The following SLC24A2 variants were observed in gnomAD, a reference collection of about 807,000 sequenced individuals.
SLC24A2 encodes solute carrier family 24 member 2, also known as sodium/potassium/calcium exchanger 2.
Under a neutral mutation model 62.0 loss-of-function variants are expected in SLC24A2, and 36 were observed. That is an observed-to-expected ratio of 0.58 (90% CI 0.44 to 0.77). The LOEUF is 0.77. Ranked by LOEUF, SLC24A2 falls within the 30% of genes least tolerant of loss-of-function variation. The pLI is 0.00. For missense variants in SLC24A2, 846 were observed against 817.9 expected (o/e 1.03, Z -0.42); for synonymous variants, 358 against 294.0 (o/e 1.22, Z -2.23).
At chr9:19,900,845 T>C in the SLC24A2 span, among the ~76,000 whole-genome samples, 1 of 152,168 alleles carries the variant, frequency 6.6e-6, no homozygotes, top group South Asian at 2.1e-4. Context: ...ATGCTCTTCA[T>C]CAATGGAAGA....
chr9:20,148,085 C>T, the SLC24A2 span, among the ~76,000 whole-genome samples: 599 of 152,078 alleles, frequency 3.9e-3, 2 homozygotes, highest in Admixed American at 8.7e-3. Context: ...CCTAGCTTTT[C>T]CTGGGTGACC....
the SLC24A2 span, among the ~76,000 whole-genome samples, chr9:20,039,327 C>T: frequency 2.7e-4 from 41 of 152,028 alleles, no homozygotes; most frequent in South Asian, 6.2e-3. Context: ...CAGATGAAGA[C>T]GACCTGGAAG....
intron 2 of SLC24A2, among the ~76,000 whole-genome samples, chr9:19,750,167 GA>G (rs1821942409): frequency 6.6e-6 from 1 of 152,134 alleles, no homozygotes; most frequent in Non-Finnish European, 1.5e-5. Flanking sequence ...CTGACTGGAA[GA>G]TAATGTTTTA....
intron 10 of SLC24A2, among the ~76,000 whole-genome samples, chr9:19,518,529 C>G (rs1273132740): frequency 6.6e-6 from 1 of 151,336 alleles, no homozygotes; most frequent in Non-Finnish European, 1.5e-5. Context: ...TCAAGCGATT[C>G]TCCTGCCTCA....
intron 10 of SLC24A2, 68 bp from the exon 11 acceptor site, chr9:19,516,470 G>A (rs1372744582): frequency 9.6e-6 from 15 of 1,558,864 alleles, no homozygotes; most frequent in Middle Eastern, 4.4e-4. Context: ...CGTTGAAGAA[G>A]GCAAATATAA....
At chr9:19,904,631 T>G in the SLC24A2 span, among the ~76,000 whole-genome samples, 1 of 152,230 alleles carries the variant, frequency 6.6e-6, no homozygotes, top group Admixed American at 6.5e-5. Flanking sequence ...TGGTTTTTGA[T>G]GTTTTCATTA....
chr9:20,270,126 TG>T, the SLC24A2 span, among the ~76,000 whole-genome samples: 1 of 152,132 alleles, frequency 6.6e-6, no homozygotes, highest in African/African-American at 2.4e-5. Context: ...AATCCAGTCT[TG>T]TCAGAGAGCG....
At chr9:20,170,372 G>A in the SLC24A2 span, among the ~76,000 whole-genome samples, 3 of 151,976 alleles carry the variant, frequency 2.0e-5, no homozygotes, top group African/African-American at 7.2e-5. Flanking sequence ...AGGAGACCAG[G>A]GGTTTTTTAT....
At chr9:20,230,866 G>A in the SLC24A2 span, among the ~76,000 whole-genome samples, 1 of 152,022 alleles carries the variant, frequency 6.6e-6, no homozygotes, top group Non-Finnish European at 1.5e-5. Context: ...TATGGTTTTA[G>A]GTCTAACATG....
At chr9:19,983,727 C>T in the SLC24A2 span, among the ~76,000 whole-genome samples, 1 of 152,054 alleles carries the variant, frequency 6.6e-6, no homozygotes, top group Non-Finnish European at 1.5e-5. Context: ...ATTGCATTTA[C>T]AATTGCATGC....
chr9:20,098,950 G>C, the SLC24A2 span, among the ~76,000 whole-genome samples: 1 of 152,138 alleles, frequency 6.6e-6, no homozygotes, highest in Non-Finnish European at 1.5e-5. Flanking sequence ...ATTGATTTAG[G>C]ATATACACAA....
chr9:20,058,474 A>T, the SLC24A2 span, among the ~76,000 whole-genome samples: 3 of 143,084 alleles, frequency 2.1e-5, no homozygotes, highest in Non-Finnish European at 4.5e-5. Context: ...TGCTTCTGAT[A>T]CAAACCCATG....
chr9:19,946,035 T>A, the SLC24A2 span, among the ~76,000 whole-genome samples: 1 of 152,308 alleles, frequency 6.6e-6, no homozygotes, highest in South Asian at 2.1e-4. Context: ...TGCTAGGACT[T>A]TAGAAATGTT....
intron 4 of SLC24A2, among the ~76,000 whole-genome samples, chr9:19,611,215 T>C (rs1475481619): frequency 3.3e-5 from 5 of 151,116 alleles, no homozygotes; most frequent in African/African-American, 1.2e-4. Flanking sequence ...GGAGTGTGCT[T>C]GGGATTTGGA....
chr9:20,256,316 A>G, the SLC24A2 span, among the ~76,000 whole-genome samples: 1 of 152,104 alleles, frequency 6.6e-6, no homozygotes, highest in Non-Finnish European at 1.5e-5. Context: ...GTAGAGTGTG[A>G]GACCTCTAGT....
the SLC24A2 span, among the ~76,000 whole-genome samples, chr9:20,206,351 T>A: frequency 6.6e-6 from 1 of 152,186 alleles, no homozygotes; most frequent in Non-Finnish European, 1.5e-5. Flanking sequence ...TCAACACCTA[T>A]TAAGCCAGAC....
At chr9:19,918,138 T>TTG in the SLC24A2 span, among the ~76,000 whole-genome samples, 3 of 65,054 alleles carry the variant, frequency 4.6e-5, no homozygotes, top group Admixed American at 2.3e-4. Context: ...ACAACTGACA[T>TTG]TATGTGTGTG....
chr9:19,637,406 G>C (rs777412346), intron 2 of SLC24A2, among the ~76,000 whole-genome samples: 14 of 152,176 alleles, frequency 9.2e-5, no homozygotes, highest in Non-Finnish European at 1.3e-4. Context: ...ACTGTTGCCC[G>C]ACTGTGTTTG....
chr9:19,531,094 A>G (rs1051285387), intron 8 of SLC24A2, among the ~76,000 whole-genome samples: 3 of 152,228 alleles, frequency 2.0e-5, no homozygotes, highest in Admixed American at 6.5e-5. Context: ...TTCCAGCTGT[A>G]TGGCCATCTG....
Sources: gnomAD v4.1 joint callset for allele counts (sites outside exome capture counted in the v4.1 genomes callset) on GRCh38, gnomAD v4.1.1 for gene constraint, MANE v1.5 for transcripts, NCBI Gene and HGNC (gene_info 2026-07-23, HGNC 2026-07-21) for gene names.